PCDHGB4: variants seen among roughly 807,000 people sequenced by gnomAD.
The protein encoded by PCDHGB4 is protocadherin gamma subfamily B, 4, also known as protocadherin gamma-B4.
Under a neutral mutation model 60.5 loss-of-function variants are expected in PCDHGB4, and 38 were observed. The ratio of observed to expected loss-of-function variants is 0.63; its 90% CI spans 0.48 to 0.82. The LOEUF is 0.82. Among genes scored for constraint, PCDHGB4 ranks in the 40% least tolerant of loss-of-function variants. The pLI, the probability that PCDHGB4 is intolerant of heterozygous loss-of-function variation, is 0.00. For missense variants in PCDHGB4, 1,109 were observed against 1,209.6 expected (o/e 0.92, Z 1.23); for synonymous variants, 456 against 509.7 (o/e 0.89, Z 1.42).
At chr5:141,409,681 G>A in intron 1 of PCDHGB4, 1 of 1,613,368 alleles carries the variant, frequency 6.2e-7, no homozygotes, top group South Asian at 1.1e-5. Flanking sequence ...CTATAGTGGC[G>A]AGTGACCTAG....
chr5:141,409,867 C>A (rs376725837), intron 1 of PCDHGB4: 201 of 1,612,544 alleles, frequency 1.2e-4, no homozygotes, highest in Middle Eastern at 8.2e-4. Context: ...TGGGAGACCG[C>A]AATGACAACG....
Position 141,431,354 on chromosome 5 carries a change from G to GCC in PCDHGB4, c.2397+41075_2397+41076dup. The GCC allele has an allele frequency of 6.2e-7, 1 of 1,614,036 alleles. No individual in the cohort carries two copies. Among genetic ancestry groups the GCC allele is most frequent in the African/African-American group, 1.3e-5 (1 of 75,052 alleles). On this transcript the variant is annotated intron_variant, in intron 1 of 3. Transcript: ENST00000519479. This position sits in a 1 kb window ranked among gnomAD's most constrained non-coding sequence, Gnocchi z 4.8. Reference sequence around the variant, plus strand: ...GTACCCCGAATTGGTGCTGAAACGCGCCCTGGACCGCGAAGAAAAGGCTGC... The same window carrying GCC: ...GTACCCCGAATTGGTGCTGAAACGCGCCCCCTGGACCGCGAAGAAAAGGCTGC...
chr5:141,489,830 A>G lies in PCDHGB4; in HGVS notation c.2398-4977A>G, dbSNP rs760376311. On this transcript the variant is annotated intron_variant, in intron 1 of 3. Coordinates refer to ENST00000519479, the MANE Select transcript of PCDHGB4 (RefSeq NM_003736.4). The surrounding 1 kb of genome is among the most constrained non-coding windows in gnomAD (Gnocchi z 4.5). ...AAGCCATTCCCAGAGCTGGTGCTAG[A>G]GCAGCAGCTGGATCGTGAAGCCCAG... 1.9e-6 allele frequency: 3 copies of G among 1,614,200 alleles called. No individual in the cohort carries two copies. Among genetic ancestry groups the G allele is most frequent in the East Asian group, 2.2e-5 (1 of 44,878 alleles).
In PCDHGB4 at chr5:141,431,183, A is replaced by G. The variant is rs1467232519; in HGVS notation, c.2397+40902A>G. Reference sequence around the variant, plus strand: ...TCGTGAAAGTGAATTAGAAATAAAAATTAGTGAAAATGCAGCCACTGAGAT... The same window carrying G: ...TCGTGAAAGTGAATTAGAAATAAAAGTTAGTGAAAATGCAGCCACTGAGAT... On this transcript the variant is annotated intron_variant, in intron 1 of 3. Transcript: ENST00000519479. The surrounding 1 kb of genome is among the most constrained non-coding windows in gnomAD (Gnocchi z 4.8). 1 of 1,614,218 alleles carries G rather than the reference A, an allele frequency of 6.2e-7. No individual in the cohort carries two copies. The highest frequency in any genetic ancestry group is 2.2e-5 in the East Asian group (1 of 44,880).
rs779392461 is a variant in PCDHGB4, at chr5:141,428,623, TC to T, written c.2397+38343del. 3.1e-5 allele frequency: 6 copies of T among 193,516 alleles called. No individual in the cohort carries two copies. In the East Asian group the frequency reaches 5.4e-4, roughly 17 times the overall value. 12.0% of individuals were successfully genotyped at this position (193,516 alleles called of 1,614,324 possible). ...CACTGAAGAGAATAACAAGATAAGC[TC>T]TAACTCTGTTGCTCCTACTCACGTG... On this transcript the variant is annotated intron_variant, in intron 1 of 3. Coordinates refer to ENST00000519479, the MANE Select transcript of PCDHGB4 (RefSeq NM_003736.4).
Position 141,476,279 on chromosome 5 carries a change from G to T in PCDHGB4, c.2398-18528G>T. The T allele has an allele frequency of 6.2e-7, 1 of 1,614,148 alleles. No individual in the cohort carries two copies. Among genetic ancestry groups the T allele is most frequent in the Non-Finnish European group, 8.5e-7 (1 of 1,180,024 alleles). On this transcript the variant is annotated intron_variant, in intron 1 of 3. Coordinates refer to ENST00000519479, the MANE Select transcript of PCDHGB4 (RefSeq NM_003736.4). This position sits in a 1 kb window ranked among gnomAD's most constrained non-coding sequence, Gnocchi z 7.6. ...TGTGGGCAACGTGGTCGCGAACCTT[G>T]GTTTGGATCTCGGTAGCCTCTCAGC...
In PCDHGB4 at chr5:141,491,715, G is replaced by A. The variant is rs1333909488; in HGVS notation, c.2398-3092G>A. 1 of 1,607,782 alleles carries A rather than the reference G, an allele frequency of 6.2e-7. No individual in the cohort carries two copies. Among genetic ancestry groups the A allele is most frequent in the Admixed American group, 1.7e-5 (1 of 58,966 alleles). On this transcript the variant is annotated intron_variant, in intron 1 of 3. Transcript: ENST00000519479. This position sits in a 1 kb window ranked among gnomAD's most constrained non-coding sequence, Gnocchi z 6.9. ...AGCGGAGCCAGGTGAGGGGCTCGGC[G>A]CCGCCCCGGGCGACCCCTGGGGGCG...
chr5:141,499,485 A>G (rs1278629076), intron 2 of PCDHGB4, among the ~76,000 whole-genome samples: 2 of 152,226 alleles, frequency 1.3e-5, no homozygotes, highest in Non-Finnish European at 2.9e-5. Flanking sequence ...ACCACCAACT[A>G]CAGTTTAATA....
chr5:141,507,251 A>G (rs958917337), intron 3 of PCDHGB4: 3 of 152,400 alleles, frequency 2.0e-5, no homozygotes, highest in Non-Finnish European at 4.4e-5. Context: ...TGAATGTCAG[A>G]TAAACAGCAA....
intron 1 of PCDHGB4, chr5:141,404,241 C>A (rs960579159): frequency 6.2e-7 from 1 of 1,613,458 alleles, no homozygotes; most frequent in African/African-American, 1.3e-5. Context: ...AGAGGAACTC[C>A]GCCCCTGTCC....
intron 1 of PCDHGB4, chr5:141,395,104 G>A (rs1420682544): frequency 1.9e-6 from 3 of 1,614,028 alleles, no homozygotes; most frequent in Admixed American, 3.3e-5. Flanking sequence ...GCCGACTCGC[G>A]GAAGAGTCAC....
chr5:141,454,618 C>T (rs1259161504), intron 1 of PCDHGB4, among the ~76,000 whole-genome samples: 1 of 151,470 alleles, frequency 6.6e-6, no homozygotes, highest in Non-Finnish European at 1.5e-5. Flanking sequence ...GTTGGTCAGG[C>T]TGGTCTCGAA....
At position 141,489,083 on chromosome 5, in the gene PCDHGB4, T is replaced by G; in HGVS notation, c.2398-5724T>G. On this transcript the variant is annotated intron_variant, in intron 1 of 3. Coordinates refer to ENST00000519479, the MANE Select transcript of PCDHGB4 (RefSeq NM_003736.4). This position sits in a 1 kb window ranked among gnomAD's most constrained non-coding sequence, Gnocchi z 4.5. ...CCTCCCCCCTGCCCACCCCCGCCACTCGGTGACTAAGAACTGCTGCAAGCA... is the reference window on the plus strand; with the variant it reads ...CCTCCCCCCTGCCCACCCCCGCCACGCGGTGACTAAGAACTGCTGCAAGCA... The G allele has an allele frequency of 1.2e-5, 2 of 172,008 alleles. No individual in the cohort carries two copies. Among genetic ancestry groups the G allele is most frequent in the Non-Finnish European group, 2.1e-5 (2 of 94,012 alleles). The allele number at this position is 172,008 out of a possible 1,614,324, so 10.7% of individuals were successfully genotyped here. A position where few individuals can be genotyped will look rare whatever the true frequency, so the allele number is the denominator to read the frequency against.
chr5:141,413,176 A>G lies in PCDHGB4; in HGVS notation c.2397+22895A>G, dbSNP rs758582296. 252 of 1,601,774 alleles carry G rather than the reference A, an allele frequency of 1.6e-4. 1 individual carries two copies. Among genetic ancestry groups the G allele is most frequent in the Non-Finnish European group, 2.1e-4 (243 of 1,173,006 alleles). Reference sequence around the variant, plus strand: ...TGCAGAATTCTGTAACCAGACTACAATGGCCGCTCAAAGGAATCGCTCAAA... The same window carrying G: ...TGCAGAATTCTGTAACCAGACTACAGTGGCCGCTCAAAGGAATCGCTCAAA... On this transcript the variant is annotated intron_variant, in intron 1 of 3. Coordinates refer to ENST00000519479, the MANE Select transcript of PCDHGB4 (RefSeq NM_003736.4).
At chr5:141,421,225 G>A in intron 1 of PCDHGB4, 1 of 1,584,302 alleles carries the variant, frequency 6.3e-7, no homozygotes. Flanking sequence ...CTTAGAGCCT[G>A]CCATGGCGAA....
intron 1 of PCDHGB4, chr5:141,478,312 C>T (rs768312280): frequency 8.1e-6 from 13 of 1,614,002 alleles, no homozygotes; most frequent in East Asian, 2.2e-5. Flanking sequence ...CCCCGGTGAG[C>T]TCACTGTACC....
chr5:141,405,457 TTA>T, intron 1 of PCDHGB4: 1 of 1,256,670 alleles, frequency 8.0e-7, no homozygotes, highest in Non-Finnish European at 1.1e-6. Context: ...TCTTACTCTG[TTA>T]CCCAGGCTGG....
rs554003983 is a variant in PCDHGB4, at chr5:141,415,548, A to T, written c.2397+25267A>T. 10 of 1,614,160 alleles carry T rather than the reference A, an allele frequency of 6.2e-6. No individual in the cohort carries two copies. The East Asian group carries it at 1.8e-4, about 29-fold the overall frequency. ...TCATCAGCCAGGAGAGCTGTGAGAA[A>T]AACGATCCTTTGTCTTTGTTAGATG... On this transcript the variant is annotated intron_variant, in intron 1 of 3. Coordinates refer to ENST00000519479, the MANE Select transcript of PCDHGB4 (RefSeq NM_003736.4).
rs1292747996 is a variant in PCDHGB4, at chr5:141,475,972, T to C, written c.2398-18835T>C. 2.0e-5 allele frequency: 19 copies of C among 963,712 alleles called. No individual in the cohort carries two copies. In the East Asian group the frequency reaches 3.4e-4, roughly 17 times the overall value. The allele number at this position is 963,712 out of a possible 1,614,324, so 59.7% of individuals were successfully genotyped here. A position where few individuals can be genotyped will look rare whatever the true frequency, so the allele number is the denominator to read the frequency against. ...CTGCGCCCCGGGATGAGGCAGAGAC[T>C]GAACAGCCGGCGAGCAAATCAACGG... On this transcript the variant is annotated intron_variant, in intron 1 of 3. Transcript: ENST00000519479.
Sources: allele counts gnomAD v4.1 joint callset (sites outside exome capture counted in the v4.1 genomes callset), GRCh38; gene constraint gnomAD v4.1.1; non-coding constraint Gnocchi (gnomAD v3.1); transcripts MANE v1.5; gene names NCBI Gene and HGNC (gene_info 2026-07-23, HGNC 2026-07-21).